Variants in EXTL3 observed in about 807,000 individuals in gnomAD.
EXTL3 encodes exostosin-like 3.
In EXTL3, 27 loss-of-function variants were observed where a neutral mutation model predicts 69.3. The observed-to-expected ratio is 0.39, with a 90% confidence interval of 0.29 to 0.54. The LOEUF (loss-of-function observed/expected upper bound fraction) is 0.54, where lower values mean the gene tolerates loss of function less well. Among genes scored for constraint, EXTL3 ranks in the 20% least tolerant of loss-of-function variants. The pLI is 0.69. For synonymous variants in EXTL3, 511 were observed against 499.4 expected (o/e 1.02, Z -0.31); for missense variants, 1,003 against 1,231.8 (o/e 0.81, Z 2.78).
At chr8:28,612,499 T>G (rs71519699) in intron 2 of EXTL3, among the ~76,000 whole-genome samples, 30,919 of 149,748 alleles carry the variant, frequency 0.21, 3,884 homozygotes, top group Non-Finnish European at 0.28. Context: ...AAAAGAAAAA[T>G]AAAAAACAAA....
Position 28,677,414 on chromosome 8 carries a change from G to A in EXTL3, c.-52-36043G>A, listed in dbSNP as rs144421993. Among the ~76,000 whole-genome samples the A allele has an allele frequency of 5.9e-5, 9 of 152,190 alleles. No homozygotes were observed. In the East Asian group the frequency reaches 1.2e-3, roughly 20 times the overall value. Reference sequence around the variant, plus strand: ...ATACTCCCAGGGCTGTAACTTCCGAGTACAGAGACCTAAAGGGATGACTCG... The same window carrying A: ...ATACTCCCAGGGCTGTAACTTCCGAATACAGAGACCTAAAGGGATGACTCG... On this transcript the variant is annotated intron_variant, in intron 1 of 6. Coordinates refer to the EXTL3 transcript ENST00000523149.
chr8:28,716,580 C>G lies in EXTL3; in HGVS notation c.521C>G (p.Thr174Ser). 6 of 1,614,216 alleles carry G rather than the reference C, an allele frequency of 3.7e-6. No individual in the cohort carries two copies. Among genetic ancestry groups the G allele is most frequent in the East Asian group, 2.2e-5 (1 of 44,878 alleles). The change falls in exon 3 of 7, where the codon ACT (threonine) becomes AGT (serine). Residue 174 changes from threonine (T) to serine (S), a missense_variant. This residue lies in a region of EXTL3 where 742 missense variants were observed against 815.4 expected (regional missense o/e 0.91). Transcript: ENST00000220562. This position sits in a 1 kb window ranked among gnomAD's most constrained non-coding sequence, Gnocchi z 7.1. ...DDAGLPPPKA[T>S]RGCRLHNCFD... ...GCCGGCCTCCCTCCCCCGAAGGCCA[C>G]TCGGGGCTGCCGGCTACACAACTGC... is the stretch of plus-strand genomic sequence containing the variant.
chr8:28,670,855 T>G (rs907732271), intron 1 of EXTL3, among the ~76,000 whole-genome samples: 1 of 152,164 alleles, frequency 6.6e-6, no homozygotes, highest in African/African-American at 2.4e-5. Context: ...ACAAAGTGCC[T>G]CCTCCTCAAT....
intron 1 of EXTL3, among the ~76,000 whole-genome samples, chr8:28,674,481 T>A (rs747232217): frequency 5.3e-5 from 8 of 152,212 alleles, no homozygotes; most frequent in Non-Finnish European, 1.2e-4. Flanking sequence ...GGATTCACAT[T>A]CCTAGTTCAT....
In EXTL3 at chr8:28,627,200, T is replaced by A. The variant is rs558324131; in HGVS notation, c.-53+4390T>A. Among the ~76,000 whole-genome samples, 262 of 146,890 alleles carry A rather than the reference T, an allele frequency of 1.8e-3. 4 individuals carry two copies. Among genetic ancestry groups the A allele is most frequent in the African/African-American group, 5.7e-3 (226 of 39,554 alleles). ...GAGACTCCATCTCAAAAAAAAAAAA[T>A]TAAAAAAAATAAAAAAAATTCCCCT... On this transcript the variant is annotated intron_variant, in intron 1 of 6. Coordinates refer to the EXTL3 transcript ENST00000523149.
intron 6 of EXTL3, among the ~76,000 whole-genome samples, chr8:28,744,341 A>G (rs968391769): frequency 6.6e-6 from 1 of 152,230 alleles, no homozygotes; most frequent in Non-Finnish European, 1.5e-5. Context: ...GTTTACCTTC[A>G]TGGGTGACAT....
At chr8:28,628,779 G>A (rs1233659341) in intron 1 of EXTL3, among the ~76,000 whole-genome samples, 2 of 152,088 alleles carry the variant, frequency 1.3e-5, no homozygotes, top group African/African-American at 2.4e-5. Context: ...TCAGCCTCCC[G>A]AGTAGCTGGG....
intron 1 of EXTL3, among the ~76,000 whole-genome samples, chr8:28,656,908 T>TCTTC (rs1807020372): frequency 2.0e-5 from 3 of 151,998 alleles, no homozygotes; most frequent in Admixed American, 1.3e-4. Context: ...TTTCTTTCTT[T>TCTTC]CTTCACACTC....
intron 1 of EXTL3, among the ~76,000 whole-genome samples, chr8:28,645,123 A>G (rs1176304001): frequency 6.6e-6 from 1 of 152,228 alleles, no homozygotes; most frequent in African/African-American, 2.4e-5. Flanking sequence ...CTGCTCAACC[A>G]GTCTCTCCTG....
chr8:28,708,231 A>C (rs1339558059), intron 1 of EXTL3, among the ~76,000 whole-genome samples: 1 of 152,106 alleles, frequency 6.6e-6, no homozygotes, highest in African/African-American at 2.4e-5. Flanking sequence ...AGTTTTTCAC[A>C]CTTCGTTTTG....
chr8:28,693,148 ATTT>A (rs749978399), intron 1 of EXTL3, among the ~76,000 whole-genome samples: 4 of 135,254 alleles, frequency 3.0e-5, no homozygotes, highest in Non-Finnish European at 1.6e-5. Flanking sequence ...CAGATAACAG[ATTT>A]TTTTTTTTTT....
At chr8:28,732,301 G>A (rs951737703) in intron 4 of EXTL3, among the ~76,000 whole-genome samples, 1 of 152,112 alleles carries the variant, frequency 6.6e-6, no homozygotes, top group Non-Finnish European at 1.5e-5. Flanking sequence ...AAAATTGAGG[G>A]TAAGCATTCA....
intron 6 of EXTL3, among the ~76,000 whole-genome samples, chr8:28,743,564 A>G (rs1801822820): frequency 6.6e-6 from 1 of 152,254 alleles, no homozygotes; most frequent in Non-Finnish European, 1.5e-5. Context: ...ACCAGTAGAA[A>G]TCACTGATAT....
Position 28,751,079 on chromosome 8 carries a change from C to T in EXTL3, c.*213C>T. On this transcript the variant is annotated 3_prime_UTR_variant, in exon 7 of 7. Transcript: ENST00000220562. ...CCCTGGGCGGAGTCCCCGGGGTTCC[C>T]CACACAGGGCACTGACTGATAGCTT... The T allele has an allele frequency of 1.7e-6, 1 of 581,888 alleles. No homozygotes were observed. The allele number at this position is 581,888 out of a possible 1,614,324, so 36.0% of individuals were successfully genotyped here. A position where few individuals can be genotyped will look rare whatever the true frequency, so the allele number is the denominator to read the frequency against.
At chr8:28,682,649 G>T (rs1807508061) in intron 1 of EXTL3, among the ~76,000 whole-genome samples, 1 of 152,064 alleles carries the variant, frequency 6.6e-6, no homozygotes, top group African/African-American at 2.4e-5. Flanking sequence ...TCACCATGTT[G>T]GCCAGGCTGG....
intron 1 of EXTL3, among the ~76,000 whole-genome samples, chr8:28,641,742 G>A (rs548233727): frequency 1.3e-3 from 190 of 151,668 alleles, no homozygotes; most frequent in African/African-American, 4.4e-3. Flanking sequence ...CCTCCGCCGC[G>A]TGGCCTCCCA....
chr8:28,641,162 C>A (rs1251438481), intron 1 of EXTL3, among the ~76,000 whole-genome samples: 2 of 152,200 alleles, frequency 1.3e-5, no homozygotes, highest in African/African-American at 4.8e-5. Context: ...GTATTCAGTT[C>A]TCCTACAGTT....
Position 28,715,769 on chromosome 8 carries a change from C to T in EXTL3, c.-291C>T, listed in dbSNP as rs192219536. 2 of 432,028 alleles carry T rather than the reference C, an allele frequency of 4.6e-6. No homozygotes were observed. Among genetic ancestry groups the T allele is most frequent in the East Asian group, 8.0e-5 (2 of 24,846 alleles). 26.8% of individuals were successfully genotyped at this position (432,028 alleles called of 1,614,324 possible). A position where few individuals can be genotyped will look rare whatever the true frequency, so the allele number is the denominator to read the frequency against. ...TTTTCCTGGGTTTCATCATCAGGTA[C>T]CTCCTCCCTTTCATCTCAGCAAGAA... On this transcript the variant is annotated 5_prime_UTR_variant, in exon 3 of 7. Transcript: ENST00000220562.
rs780243996 is a variant in EXTL3 at position 28,643,438 on chromosome 8, A to G, written c.-53+20628A>G. ...TTTTTCTTTTTTTCTTTTTTGAGAC[A>G]GAGTCTCGCTCTTTCGCCCAGGCCG... On this transcript the variant is annotated intron_variant, in intron 1 of 6. Coordinates refer to the EXTL3 transcript ENST00000523149. Among the ~76,000 whole-genome samples the G allele has an allele frequency of 2.9e-3, 224 of 76,068 alleles. 4 individuals carry two copies. The highest frequency in any genetic ancestry group is 0.014 in the African/African-American group (195 of 14,358). The allele number at this position is 76,068 out of a possible 152,430, so 49.9% of individuals were successfully genotyped here.
Sources: gnomAD v4.1 joint callset for allele counts (sites outside exome capture counted in the v4.1 genomes callset) on GRCh38, gnomAD v4.1.1 for gene constraint, gnomAD v4.1.1 regional missense constraint, Gnocchi (gnomAD v3.1) non-coding constraint, MANE v1.5 for transcripts, NCBI Gene and HGNC (gene_info 2026-07-23, HGNC 2026-07-21) for gene names.